SNTG2: variants seen among roughly 807,000 people sequenced by gnomAD.
SNTG2 encodes gamma-2-syntrophin.
A neutral mutation model predicts 70.9 loss-of-function variants in SNTG2; 74 were observed. The ratio of observed to expected loss-of-function variants is 1.04; its 90% CI spans 0.86 to 1.27. SNTG2 has a LOEUF of 1.27. Among genes scored for constraint, SNTG2 ranks in the 50% most tolerant of loss-of-function variants. The pLI, the probability that SNTG2 is intolerant of heterozygous loss-of-function variation, is 0.00. For synonymous variants in SNTG2, 278 were observed against 273.8 expected, an observed-to-expected ratio of 1.02 and a Z score of -0.15; for missense variants, 717 against 690.7, an observed-to-expected ratio of 1.04 and a Z score of -0.43.
intron 1 of SNTG2, among the ~76,000 whole-genome samples, chr2:971,143 C>T (rs952581763): frequency 4.6e-5 from 7 of 152,184 alleles, no homozygotes; most frequent in African/African-American, 1.7e-4. Context: ...TGGAATGATG[C>T]TGGCTTCCTA....
At chr2:1,123,786 T>C (rs1247719232) in intron 4 of SNTG2, among the ~76,000 whole-genome samples, 1 of 152,006 alleles carries the variant, frequency 6.6e-6, no homozygotes, top group Non-Finnish European at 1.5e-5. Context: ...TTGCAAAACA[T>C]GTATCTGATA....
chr2:1,285,425 TA>T (rs1418358241), intron 14 of SNTG2, among the ~76,000 whole-genome samples: 1 of 152,146 alleles, frequency 6.6e-6, no homozygotes, highest in African/African-American at 2.4e-5. Context: ...AATCTTCAAA[TA>T]AAGACAATCA....
chr2:1,167,224 C>G, intron 7 of SNTG2, among the ~76,000 whole-genome samples: 1 of 150,842 alleles, frequency 6.6e-6, no homozygotes, highest in African/African-American at 2.4e-5. Flanking sequence ...GAACTGAAGC[C>G]TACAAGCCAC....
intron 1 of SNTG2, among the ~76,000 whole-genome samples, chr2:1,053,358 T>C (rs1187194390): frequency 1.3e-5 from 2 of 152,214 alleles, no homozygotes; most frequent in Non-Finnish European, 2.9e-5. Flanking sequence ...ATATCAATTT[T>C]ACATTACTGA....
At chr2:968,578 G>A (rs1301949118) in intron 1 of SNTG2, among the ~76,000 whole-genome samples, 1 of 151,990 alleles carries the variant, frequency 6.6e-6, no homozygotes. Flanking sequence ...CTGATCTGGG[G>A]TATTTCTTGC....
At chr2:1,259,555 A>G in intron 13 of SNTG2, 114 bp downstream of exon 13, 2 of 873,174 alleles carry the variant, frequency 2.3e-6, no homozygotes, top group South Asian at 3.0e-5. Flanking sequence ...AATTTGAAAT[A>G]GTAAAATAAT....
At chr2:1,203,377 G>T (rs1375575954) in intron 8 of SNTG2, among the ~76,000 whole-genome samples, 6 of 151,974 alleles carry the variant, frequency 3.9e-5, no homozygotes, top group Non-Finnish European at 1.5e-5. Flanking sequence ...TGTTACACAG[G>T]CCGGGCACAG....
At chr2:1,266,005 A>G (rs1678710612) in intron 13 of SNTG2, among the ~76,000 whole-genome samples, 1 of 152,176 alleles carries the variant, frequency 6.6e-6, no homozygotes, top group African/African-American at 2.4e-5. Flanking sequence ...TCTGTGGACC[A>G]GTAAATGAAT....
intron 1 of SNTG2, among the ~76,000 whole-genome samples, chr2:1,019,394 G>T (rs1660031395): frequency 6.6e-6 from 1 of 152,140 alleles, no homozygotes; most frequent in African/African-American, 2.4e-5. Flanking sequence ...AGTGGGAAGG[G>T]GACAAACTGG....
intron 4 of SNTG2, among the ~76,000 whole-genome samples, chr2:1,121,763 C>T (rs922599971): frequency 6.6e-5 from 10 of 152,250 alleles, no homozygotes; most frequent in Admixed American, 2.6e-4. Context: ...GGGGAAACTG[C>T]CCCCATGATC....
intron 8 of SNTG2, among the ~76,000 whole-genome samples, chr2:1,182,714 T>A (rs1671997118): frequency 1.3e-5 from 2 of 152,178 alleles, no homozygotes; most frequent in African/African-American, 4.8e-5. Context: ...GTCTCTAGAA[T>A]CTGGAAGTAT....
intron 1 of SNTG2, among the ~76,000 whole-genome samples, chr2:1,067,237 C>G (rs1001066106): frequency 6.6e-6 from 1 of 152,004 alleles, no homozygotes; most frequent in Admixed American, 6.6e-5. Context: ...TCCAACAATG[C>G]GGAAACTGCT....
chr2:1,112,805 TTGCAGTCGTTTGAGAAGGATAGTGA>T (rs1666589874), intron 4 of SNTG2, among the ~76,000 whole-genome samples: 1 of 151,260 alleles, frequency 6.6e-6, no homozygotes, highest in Admixed American at 6.6e-5. Flanking sequence ...GGTTTAACCC[TTGCAGTCGTTTGAGAAGGATAGTGA>T]GTACTAAGTG....
intron 9 of SNTG2, among the ~76,000 whole-genome samples, chr2:1,236,031 T>C (rs1676632374): frequency 6.6e-6 from 1 of 152,178 alleles, no homozygotes; most frequent in Non-Finnish European, 1.5e-5. Context: ...GCCAGGGAAC[T>C]TGGCTGTCGT....
rs200514035 is a variant in SNTG2 at position 1,057,159 on chromosome 2, A to T, written c.73-26359A>T. 2.6e-5 allele frequency among the ~76,000 whole-genome samples: 4 copies of T among 152,186 alleles called. No homozygotes were observed. The East Asian group carries it at 7.7e-4, about 29-fold the overall frequency. ...TTTCTGCTAGAAGCTGTGAATTACA[A>T]CTGTAATGTATTTATTCTAAGGACT... is the stretch of plus-strand genomic sequence containing the variant. On this transcript the variant is annotated intron_variant, in intron 1 of 16. Coordinates refer to ENST00000308624, the MANE Select transcript of SNTG2 (RefSeq NM_018968.4).
At chr2:986,941 T>C (rs1440952308) in intron 1 of SNTG2, among the ~76,000 whole-genome samples, 3 of 152,276 alleles carry the variant, frequency 2.0e-5, no homozygotes, top group Non-Finnish European at 4.4e-5. Flanking sequence ...GCAGCTATTT[T>C]ATATTTGAGT....
intron 16 of SNTG2, among the ~76,000 whole-genome samples, chr2:1,324,609 C>T (rs755852041): frequency 3.0e-4 from 46 of 152,128 alleles, no homozygotes; most frequent in Non-Finnish European, 6.6e-4. Context: ...AAACAATGGT[C>T]AGCGCTAGAA....
intron 2 of SNTG2, 117 bp from the exon 3 acceptor site, chr2:1,098,079 T>C (rs1665511774): frequency 1.8e-6 from 2 of 1,129,016 alleles, no homozygotes; most frequent in South Asian, 1.3e-5. Flanking sequence ...TAGCCAAAGT[T>C]GCTTTGGAAA....
chr2:1,307,966 TGTA>T (rs1022562257), intron 14 of SNTG2, among the ~76,000 whole-genome samples: 2 of 152,150 alleles, frequency 1.3e-5, no homozygotes, highest in Non-Finnish European at 2.9e-5. Context: ...GTGTGACCGA[TGTA>T]GTTTTTGTTT....
Sources: gnomAD v4.1 joint callset for allele counts (sites outside exome capture counted in the v4.1 genomes callset) on GRCh38, gnomAD v4.1.1 for gene constraint, MANE v1.5 for transcripts, NCBI Gene and HGNC (gene_info 2026-07-23, HGNC 2026-07-21) for gene names.